PSG1: variants seen among roughly 807,000 people sequenced by gnomAD.
PSG1 encodes pregnancy-specific beta-1-glycoprotein 1.
PSG1 carries 60 observed loss-of-function variants against 41.4 expected under a neutral mutation model. The observed-to-expected ratio is 1.45, with a 90% CI of 1.18 to 1.80. PSG1 has a LOEUF of 1.80. PSG1 is among the 40% of genes most tolerant of loss of function. The pLI, the probability that PSG1 is intolerant of heterozygous loss-of-function variation, is 0.00. For missense variants in PSG1, 806 were observed against 516.9 expected, an observed-to-expected ratio of 1.56 and a Z score of -5.42; for synonymous variants, 256 against 192.9, an observed-to-expected ratio of 1.33 and a Z score of -2.71.
At chr19:42,876,606 G>A (rs189805527) in intron 2 of PSG1, 7 of 334,272 alleles carry the variant, frequency 2.1e-5, no homozygotes, top group Non-Finnish European at 3.5e-5. Context: ...TGTGAGTGGG[G>A]AAAGAAAACA....
In PSG1 at chr19:42,878,257, T is replaced by C. The variant is rs775982936; in HGVS notation, c.86A>G (p.Asn29Ser). 3.7e-6 allele frequency: 6 copies of C among 1,608,666 alleles called. No homozygotes were observed. Among genetic ancestry groups the C allele is most frequent in the East Asian group, 4.5e-5 (2 of 44,774 alleles). ...CGTGACTTGGGCAGTGGTGGGCAGG[T>C]TCCAGAAGTTTAAAAGTGATGCTAG... ...LLTASLLNFWNLPTTAQVTIE... is the reference protein window; with the variant it reads ...LLTASLLNFWSLPTTAQVTIE... The change falls in exon 2 of 6, where the codon AAC (asparagine) becomes AGC (serine). Residue 29 changes from asparagine to serine, a missense_variant. Transcript: ENST00000436291.
chr19:42,874,141 C>G (rs1246250033), intron 2 of PSG1: 1 of 151,692 alleles, frequency 6.6e-6, no homozygotes, highest in Non-Finnish European at 1.5e-5. Flanking sequence ...AGTTGTCCCA[C>G]AGCTACAAAA....
rs149525510 is a variant in PSG1, at chr19:42,875,328, A to G, written c.430+2585T>C. The stretch of plus-strand genomic sequence containing the variant: ...AAACTAGTGAAAGACCATGAGATTA[A>G]GATTATAGGAGGGAACTGAATTTTG... On this transcript the variant is annotated intron_variant, in intron 2 of 5. Coordinates refer to ENST00000436291, the MANE Select transcript of PSG1 (RefSeq NM_001184825.2). Among the ~76,000 whole-genome samples the G allele has an allele frequency of 2.7e-3, 417 of 151,916 alleles. 7 individuals are homozygous for G. Among genetic ancestry groups the G allele is most frequent in the African/African-American group, 9.8e-3 (404 of 41,422 alleles).
At chr19:42,876,404 G>A (rs559058390) in intron 2 of PSG1, among the ~76,000 whole-genome samples, 1 of 151,374 alleles carries the variant, frequency 6.6e-6, no homozygotes, top group Non-Finnish European at 1.5e-5. Context: ...AGAGGTAGTG[G>A]GGGGATGAAA....
Position 42,878,201 on chromosome 19 carries a change from C to T in PSG1, c.142G>A (p.Gly48Arg), listed in dbSNP as rs780140128. 1.9e-6 allele frequency: 3 copies of T among 1,611,958 alleles called. No homozygotes were observed. Among genetic ancestry groups the T allele is most frequent in the South Asian group, 1.1e-5 (1 of 90,768 alleles). Reference sequence around the variant, plus strand: ...TGGACAAGTAGAAGAACATCCTTCCCCTCGGAAACTTTGGTTGGCTCGGCT... The same window carrying T: ...TGGACAAGTAGAAGAACATCCTTCCTCTCGGAAACTTTGGTTGGCTCGGCT... ...IEAEPTKVSE[G>R]KDVLLLVHNL... The change falls in exon 2 of 6, where the codon GGG (glycine) becomes AGG (arginine). Residue 48 changes from glycine (G) to arginine (R), a missense_variant. Coordinates refer to ENST00000436291, the MANE Select transcript of PSG1 (RefSeq NM_001184825.2).
Position 42,871,894 on chromosome 19 carries a change from C to T in PSG1, c.582G>A (p.Lys194=). 1.9e-6 allele frequency: 3 copies of T among 1,612,478 alleles called. No homozygotes were observed. Among genetic ancestry groups the T allele is most frequent in the Non-Finnish European group, 2.5e-6 (3 of 1,179,224 alleles). ...AGAGGGTCCTGTTGGTTTCGGACAG[C>T]TTCAAGCTGTGAGTCATAGGGAGGC... is the stretch of plus-strand genomic sequence containing the variant. The part of the protein sequence containing the change: ...GQSLPMTHSL[K]LSETNRTLFL... Residue 194 remains lysine, a synonymous_variant, in exon 3 of 6, where the codon AAG becomes AAA. Transcript: ENST00000436291.
At position 42,878,347 on chromosome 19, in the gene PSG1, G is replaced by T. The variant is rs1191477368; in HGVS notation, c.65-69C>A. The T allele has an allele frequency of 1.1e-5, 17 of 1,533,070 alleles. 2 individuals carry two copies. Among genetic ancestry groups the T allele is most frequent in the East Asian group, 4.5e-5 (2 of 44,252 alleles). 95.0% of individuals were successfully genotyped at this position (1,533,070 alleles called of 1,614,324 possible). On this transcript the variant is annotated intron_variant, in intron 1 of 5. Coordinates refer to ENST00000436291, the MANE Select transcript of PSG1 (RefSeq NM_001184825.2). The stretch of plus-strand genomic sequence containing the variant: ...TTGGTGTGAAAACATGGGGCCCTGG[G>T]TCCTGAGAAGGTCTCTTCAGTCCTC...
Position 42,869,025 on chromosome 19 carries a change from G to T in PSG1, c.719C>A (p.Pro240His). ...PVTLNLLPKL[P>H]KPYITINNLN... ...GTTGTTGATGGTGATGTAGGGCTTG[G>T]GCAGCTTCGCTGTGTGGATAACAGA... Residue 240 changes from proline to histidine, a missense_variant, in exon 4 of 6, where the codon CCC (proline) becomes CAC (histidine). Transcript: ENST00000436291. 1 of 1,609,852 alleles carries T rather than the reference G, an allele frequency of 6.2e-7. No homozygotes were observed. Among genetic ancestry groups the T allele is most frequent in the Non-Finnish European group, 8.5e-7 (1 of 1,178,566 alleles).
intron 2 of PSG1, among the ~76,000 whole-genome samples, chr19:42,874,839 C>T (rs187820232): frequency 1.3e-5 from 2 of 150,896 alleles, no homozygotes; most frequent in Non-Finnish European, 3.0e-5. Flanking sequence ...AGAGTCCACT[C>T]AGAGATGGAG....
At position 42,871,974 on chromosome 19, in the gene PSG1, T is replaced by C. The variant is rs756911349; in HGVS notation, c.502A>G (p.Thr168Ala). The part of the protein sequence containing the change: ...PRETMEAVSL[T>A]CDPETPDASY... ...GCGTCTGGAGTCTCAGGGTCACAGG[T>C]TAAGCTCACAGCCTCCATGGTCTCC... The change falls in exon 3 of 6, where the codon ACC (threonine) becomes GCC (alanine). Residue 168 changes from threonine (T) to alanine (A), a missense_variant. Coordinates refer to ENST00000436291, the MANE Select transcript of PSG1 (RefSeq NM_001184825.2). The C allele has an allele frequency of 6.2e-7, 1 of 1,612,446 alleles. No individual in the cohort carries two copies. Among genetic ancestry groups the C allele is most frequent in the South Asian group, 1.1e-5 (1 of 90,812 alleles).
At position 42,878,133 on chromosome 19, in the gene PSG1, C is replaced by T. The variant is rs776636742; in HGVS notation, c.210G>A (p.Gly70=). 9.2e-5 allele frequency: 149 copies of T among 1,612,164 alleles called. 3 individuals carry two copies. The highest frequency in any genetic ancestry group is 1.1e-4 in the Non-Finnish European group (130 of 1,179,186). Residue 70 remains glycine, a synonymous_variant, in exon 2 of 6, where the codon GGG becomes GGA. Coordinates refer to ENST00000436291, the MANE Select transcript of PSG1 (RefSeq NM_001184825.2). The part of the protein sequence containing the change: ...QNLTGYIWYK[G]QMRDLYHYIT... ...TGTAATGGTAGAGGTCCCTCATTTG[C>T]CCTTTGTACCAGATGTAGCCGGTAA...
chr19:42,874,456 C>T (rs1380519625), intron 2 of PSG1, among the ~76,000 whole-genome samples: 2 of 151,656 alleles, frequency 1.3e-5, no homozygotes, highest in African/African-American at 4.8e-5. Context: ...ACACCATTCT[C>T]CTGCCTTGGC....
At chr19:42,872,595 G>A (rs182293491) in intron 2 of PSG1, among the ~76,000 whole-genome samples, 1 of 151,780 alleles carries the variant, frequency 6.6e-6, no homozygotes, top group East Asian at 1.9e-4. Context: ...CTGGAGGTCA[G>A]TTCAGTCATC....
At chr19:42,871,483 A>G (rs368379073) in intron 3 of PSG1, among the ~76,000 whole-genome samples, 16 of 151,858 alleles carry the variant, frequency 1.1e-4, no homozygotes, top group African/African-American at 3.4e-4. Flanking sequence ...AGTCCCAGCC[A>G]AATCCCCACT....
chr19:42,872,747 A>G (rs574382606), intron 2 of PSG1, among the ~76,000 whole-genome samples: 1 of 151,826 alleles, frequency 6.6e-6, no homozygotes, highest in Non-Finnish European at 1.5e-5. Flanking sequence ...ATAGCTTTGG[A>G]CCAAGACCAT....
intron 3 of PSG1, 115 bp from the exon 4 acceptor site, chr19:42,869,149 C>T: frequency 1.3e-6 from 2 of 1,536,896 alleles, no homozygotes; most frequent in Non-Finnish European, 1.7e-6. Flanking sequence ...TCCTTGAAAG[C>T]CAATAGCTGG....
intron 4 of PSG1, 146 bp downstream of exon 4, chr19:42,868,610 T>G: frequency 6.6e-7 from 1 of 1,506,580 alleles, no homozygotes; most frequent in Non-Finnish European, 8.9e-7. Context: ...TACCCAGGAT[T>G]TCCCAGGGCA....
chr19:42,875,826 T>TG (rs1971579682), intron 2 of PSG1, among the ~76,000 whole-genome samples: 1 of 70,388 alleles, frequency 1.4e-5, no homozygotes, highest in African/African-American at 5.9e-5. Flanking sequence ...ATTTATTTGT[T>TG]TTTTTTTTTT....
In PSG1 at chr19:42,877,921, G is replaced by T; in HGVS notation, c.422C>A (p.Thr141Asn). 3 of 1,612,118 alleles carry T rather than the reference G, an allele frequency of 1.9e-6. No homozygotes were observed. The South Asian group carries it at 3.3e-5, about 18-fold the overall frequency. The change falls in exon 2 of 6, where the codon ACC becomes AAC. Residue 141 changes from threonine (T) to asparagine (N), a missense_variant. By Grantham distance (65) the Thr-to-Asn change is moderately conservative. Transcript: ENST00000436291. Reference sequence around the variant, plus strand: ...CATGTGGAATCACTTACGGTGTAAGGTGAAGGTGAAACGTCCAGTTACTCC... The same window carrying T: ...CATGTGGAATCACTTACGGTGTAAGTTGAAGGTGAAACGTCCAGTTACTCC... ...TRGVTGRFTF[T>N]LHLETPKPSI...
Sources: gnomAD v4.1 joint callset for allele counts (sites outside exome capture counted in the v4.1 genomes callset) on GRCh38, gnomAD v4.1.1 for gene constraint, MANE v1.5 for transcripts, NCBI Gene and HGNC (gene_info 2026-07-23, HGNC 2026-07-21) for gene names.